Variants in ACO1 observed in about 807,000 individuals in gnomAD.
ACO1 encodes the protein cytoplasmic aconitate hydratase.
A neutral mutation model predicts 105.1 loss-of-function variants in ACO1; 78 were observed. The observed-to-expected ratio is 0.74, with a 90% CI of 0.62 to 0.90. The LOEUF is 0.90. Among genes scored for constraint, ACO1 ranks in the 40% least tolerant of loss-of-function variants. The pLI, the probability that ACO1 is intolerant of heterozygous loss-of-function variation, is 0.00. For synonymous variants in ACO1, 364 were observed against 397.4 expected (o/e 0.92, Z 1.00); for missense variants, 965 against 1,111.1 (o/e 0.87, Z 1.87).
intron 1 of ACO1, among the ~76,000 whole-genome samples, chr9:32,395,828 A>C (rs1162400216): frequency 6.6e-6 from 1 of 152,254 alleles, no homozygotes; most frequent in African/African-American, 2.4e-5. Flanking sequence ...CAGTGACACT[A>C]AAAAGTAAAA....
At chr9:32,422,810 G>T (rs1245559656) in intron 8 of ACO1, among the ~76,000 whole-genome samples, 1 of 152,180 alleles carries the variant, frequency 6.6e-6, no homozygotes, top group African/African-American at 2.4e-5. Context: ...TGTATCTTAA[G>T]ACTATGATAA....
intron 8 of ACO1, among the ~76,000 whole-genome samples, chr9:32,422,753 C>T (rs1173811123): frequency 6.6e-6 from 1 of 152,144 alleles, no homozygotes; most frequent in Non-Finnish European, 1.5e-5. Context: ...ACTTAGTCTT[C>T]TTGAGCCGCC....
At chr9:32,427,245 C>T in intron 11 of ACO1, 56 bp from the exon 12 acceptor site, 1 of 1,601,838 alleles carries the variant, frequency 6.2e-7, no homozygotes, top group South Asian at 1.1e-5. Context: ...CTGAAGTGTG[C>T]CTGGCACCTA....
chr9:32,440,534 G>C lies in ACO1; in HGVS notation c.2317G>C (p.Glu773Gln). Residue 773 changes from glutamate (E) to glutamine (Q), a missense_variant, in exon 19 of 21, where the codon GAG becomes CAG. Coordinates refer to ENST00000309951, the MANE Select transcript of ACO1 (RefSeq NM_002197.3). ...GLPLIVLAGK[E>Q]YGAGSSRDWA... ...TCCCCTGATCGTTCTGGCTGGCAAAGAGTACGGTGCAGGCAGCTCCCGAGA... is the reference window on the plus strand; with the variant it reads ...TCCCCTGATCGTTCTGGCTGGCAAACAGTACGGTGCAGGCAGCTCCCGAGA... 6.2e-7 allele frequency: 1 copy of C among 1,614,072 alleles called. No homozygotes were observed. The highest frequency in any genetic ancestry group is 8.5e-7 in the Non-Finnish European group (1 of 1,179,982).
At chr9:32,423,501 C>A (rs1292038597) in intron 9 of ACO1, 82 bp downstream of exon 9, 4 of 949,516 alleles carry the variant, frequency 4.2e-6, no homozygotes, top group South Asian at 1.5e-5. Context: ...TGGGGGAATG[C>A]GCTAGTAGGA....
At chr9:32,435,934 A>C in intron 17 of ACO1, 1 of 474,370 alleles carries the variant, frequency 2.1e-6, no homozygotes, top group Non-Finnish European at 4.0e-6. Flanking sequence ...TCTTATATGA[A>C]GCTTTATAGG....
intron 13 of ACO1, 71 bp downstream of exon 13, chr9:32,429,574 TA>T: frequency 4.5e-6 from 6 of 1,344,922 alleles, no homozygotes; most frequent in Non-Finnish European, 6.3e-6. Flanking sequence ...AAAATGCTGA[TA>T]TTTTCAAGAA....
chr9:32,438,202 G>A (rs1388711905), intron 18 of ACO1, among the ~76,000 whole-genome samples: 1 of 151,266 alleles, frequency 6.6e-6, no homozygotes, highest in East Asian at 1.9e-4. Context: ...TTAGACTGAG[G>A]AAAATGATTT....
rs1218373995 is a variant in ACO1 at position 32,418,435 on chromosome 9, ATAT to A, written c.588_590del (p.Tyr197del). On this transcript the variant is annotated inframe_deletion, in exon 6 of 21. Coordinates refer to ENST00000309951, the MANE Select transcript of ACO1 (RefSeq NM_002197.3). ...CAAGAGTGGTATTTGATCAGGATGG[ATAT>A]TATTACCCAGACAGCCTCGTGGGCA... is the stretch of plus-strand genomic sequence containing the variant. The A allele has an allele frequency of 1.9e-6, 3 of 1,614,046 alleles. No individual in the cohort carries two copies. The highest frequency in any genetic ancestry group is 2.7e-5 in the African/African-American group (2 of 74,918).
rs963693092 is a variant in ACO1 at position 32,436,232 on chromosome 9, T to A, written c.2100-18T>A. The A allele has an allele frequency of 2.5e-6, 4 of 1,613,650 alleles. No homozygotes were observed. The highest frequency in any genetic ancestry group is 3.4e-6 in the Non-Finnish European group (4 of 1,179,522). On this transcript the variant is annotated intron_variant, in intron 17 of 20. Coordinates refer to ENST00000309951, the MANE Select transcript of ACO1 (RefSeq NM_002197.3). Reference sequence around the variant, plus strand: ...GCTTGCTTCACTAAGCCAGCTCCTTTCTTGCTTGCCTTCTTAGCCTAACTC... The same window carrying A: ...GCTTGCTTCACTAAGCCAGCTCCTTACTTGCTTGCCTTCTTAGCCTAACTC...
rs1554664991 is a variant in ACO1, at chr9:32,452,977, C to CCGCA, written c.*2866_*2867insCGCA. 1 of 91,886 alleles carries CCGCA rather than the reference C, an allele frequency of 1.1e-5. No individual in the cohort carries two copies. The highest frequency in any genetic ancestry group is 2.1e-5 in the Non-Finnish European group (1 of 47,338). The allele number at this position is 91,886 out of a possible 1,614,324, so 5.7% of individuals were successfully genotyped here. A position where few individuals can be genotyped will look rare whatever the true frequency, so the allele number is the denominator to read the frequency against. Reference sequence around the variant, plus strand: ...AATCAATCACCACCCCCCCCCCCCCCAAAAAAAAAAGTATCTTGGCCAGTG... The same window carrying CCGCA: ...AATCAATCACCACCCCCCCCCCCCCCCGCAAAAAAAAAAAGTATCTTGGCCAGTG... On this transcript the variant is annotated 3_prime_UTR_variant, in exon 21 of 21. Coordinates refer to ENST00000309951, the MANE Select transcript of ACO1 (RefSeq NM_002197.3).
chr9:32,393,706 A>G (rs188979372), intron 1 of ACO1, among the ~76,000 whole-genome samples: 3 of 152,244 alleles, frequency 2.0e-5, no homozygotes, highest in Non-Finnish European at 4.4e-5. Flanking sequence ...CCAGCTTTAA[A>G]ATTTCTCTTT....
intron 20 of ACO1, 48 bp downstream of exon 20, chr9:32,449,129 C>T (rs767400790): frequency 6.6e-6 from 10 of 1,519,166 alleles, no homozygotes; most frequent in East Asian, 2.3e-5. Context: ...GGGGCCCCCT[C>T]GTTTGTAACC....
chr9:32,415,036 G>A (rs1198986807), intron 4 of ACO1, among the ~76,000 whole-genome samples: 4 of 152,028 alleles, frequency 2.6e-5, no homozygotes, highest in Admixed American at 6.5e-5. Context: ...GTTTACCAAG[G>A]AGAGAAGAGC....
At chr9:32,393,755 T>C (rs1438364114) in intron 1 of ACO1, among the ~76,000 whole-genome samples, 3 of 152,110 alleles carry the variant, frequency 2.0e-5, no homozygotes, top group Non-Finnish European at 4.4e-5. Flanking sequence ...GGCCGACACT[T>C]AGGGAAAATA....
In ACO1 at chr9:32,407,378, A is replaced by G; in HGVS notation, c.215A>G (p.Lys72Arg). The G allele has an allele frequency of 6.2e-7, 1 of 1,614,188 alleles. No individual in the cohort carries two copies. Among genetic ancestry groups the G allele is most frequent in the Non-Finnish European group, 8.5e-7 (1 of 1,180,026 alleles). The change falls in exon 3 of 21, where the codon AAG (lysine) becomes AGG (arginine). Residue 72 changes from lysine to arginine, a missense_variant. Transcript: ENST00000309951. ...CTACATTGGAATGTCACGCAGCACA[A>G]GAACATAGAAGTGCCATTTAAGCCT... ...NILHWNVTQH[K>R]NIEVPFKPAR...
chr9:32,454,298 C>T lies in ACO1; in HGVS notation c.*4187C>T, dbSNP rs907569641. ...CACGCACTGTGCTCCACAGGATACT[C>T]TTGAGAAACATTGAGCTATGGTTGG... On this transcript the variant is annotated 3_prime_UTR_variant, in exon 21 of 21. Coordinates refer to ENST00000309951, the MANE Select transcript of ACO1 (RefSeq NM_002197.3). 10 of 152,320 alleles carry T rather than the reference C, an allele frequency of 6.6e-5. No individual in the cohort carries two copies. In the East Asian group the frequency reaches 1.9e-3, roughly 29 times the overall value. The allele number at this position is 152,320 out of a possible 1,614,324, so 9.4% of individuals were successfully genotyped here.
intron 20 of ACO1, 140 bp from the exon 21 acceptor site, chr9:32,449,858 A>T (rs1822717425): frequency 4.6e-6 from 3 of 652,436 alleles, no homozygotes; most frequent in East Asian, 5.3e-5. Context: ...GGCTGGGGCC[A>T]GCAGCCTTGC....
intron 4 of ACO1, among the ~76,000 whole-genome samples, chr9:32,415,854 T>A (rs1311066111): frequency 6.6e-6 from 1 of 152,174 alleles, no homozygotes; most frequent in Non-Finnish European, 1.5e-5. Context: ...GGCCACATGC[T>A]GTCTCTGTCA....
Sources: gnomAD v4.1 joint callset for allele counts (sites outside exome capture counted in the v4.1 genomes callset) on GRCh38, gnomAD v4.1.1 for gene constraint, MANE v1.5 for transcripts, NCBI Gene and HGNC (gene_info 2026-07-23, HGNC 2026-07-21) for gene names.